Variants in YTHDC2 observed in about 807,000 individuals in gnomAD.
YTHDC2 encodes the protein YTH N6-methyladenosine RNA binding protein C2.
Under a neutral mutation model 174.9 loss-of-function variants are expected in YTHDC2, and 45 were observed. The observed-to-expected ratio is 0.26, with a 90% CI of 0.20 to 0.33. YTHDC2 has a LOEUF of 0.33. Ranked by LOEUF, YTHDC2 falls within the 10% of genes least tolerant of loss-of-function variation. YTHDC2 has a pLI of 1.00. For synonymous variants in YTHDC2, 657 were observed against 574.5 expected, an observed-to-expected ratio of 1.14 and a Z score of -2.05; for missense variants, 1,650 against 1,723.7, an observed-to-expected ratio of 0.96 and a Z score of 0.76.
chr5:113,517,498 T>C (rs1465267914), intron 2 of YTHDC2: 4 of 454,996 alleles, frequency 8.8e-6, no homozygotes, highest in Non-Finnish European at 1.8e-5. Flanking sequence ...TGAATAGATA[T>C]CTTGGGAAGG....
chr5:113,567,255 A>G lies in YTHDC2; in HGVS notation c.3006A>G (p.Arg1002=), dbSNP rs892875026. The change falls in exon 22 of 30, where the codon CGA becomes CGG. Residue 1002 remains arginine, a synonymous_variant. Coordinates refer to ENST00000161863, the MANE Select transcript of YTHDC2 (RefSeq NM_022828.5). ...VLTGPKEKKV[R]FHPASVLSQP... is the part of the protein sequence containing the mutation. ...CAGGGCCAAAGGAGAAAAAAGTACG[A>G]TTTCATCCTGCTTCAGTTCTCAGTC... The G allele has an allele frequency of 4.3e-6, 7 of 1,612,868 alleles. No individual in the cohort carries two copies. The highest frequency in any genetic ancestry group is 5.9e-6 in the Non-Finnish European group (7 of 1,179,698).
At chr5:113,589,850 T>G (rs1778915103) in intron 26 of YTHDC2, among the ~76,000 whole-genome samples, 2 of 152,210 alleles carry the variant, frequency 1.3e-5, no homozygotes, top group African/African-American at 4.8e-5. Context: ...TGTCTCCTAA[T>G]TACATCAACT....
At chr5:113,518,810 T>G (rs2112522793) in intron 2 of YTHDC2, among the ~76,000 whole-genome samples, 2 of 152,294 alleles carry the variant, frequency 1.3e-5, no homozygotes, top group South Asian at 4.1e-4. Flanking sequence ...TTGATACTCT[T>G]TCTTTCAAAA....
At chr5:113,546,285 A>T (rs1199101676) in intron 10 of YTHDC2, among the ~76,000 whole-genome samples, 1 of 152,206 alleles carries the variant, frequency 6.6e-6, no homozygotes, top group Non-Finnish European at 1.5e-5. Context: ...AGTGAATACT[A>T]GACTGTTAAT....
At chr5:113,586,235 A>G (rs1365231282) in intron 26 of YTHDC2, among the ~76,000 whole-genome samples, 1 of 151,902 alleles carries the variant, frequency 6.6e-6, no homozygotes, top group Non-Finnish European at 1.5e-5. Context: ...TTATAGTTTT[A>G]ATTTGTATTT....
chr5:113,537,765 A>G (rs1167095526), intron 7 of YTHDC2, among the ~76,000 whole-genome samples: 2 of 151,988 alleles, frequency 1.3e-5, no homozygotes, highest in African/African-American at 2.4e-5. Flanking sequence ...TATTTCTAGT[A>G]TGCCCCAAAC....
chr5:113,515,137 T>C, intron 1 of YTHDC2, 135 bp from the exon 2 acceptor site: 1 of 503,692 alleles, frequency 2.0e-6, no homozygotes, highest in Non-Finnish European at 3.5e-6. Flanking sequence ...GAATATGAAA[T>C]ATAAAGTTAA....
chr5:113,516,610 T>C (rs1449093825), intron 2 of YTHDC2, among the ~76,000 whole-genome samples: 1 of 152,146 alleles, frequency 6.6e-6, no homozygotes, highest in African/African-American at 2.4e-5. Context: ...CTAACCCCAG[T>C]TGTGACAACC....
intron 23 of YTHDC2, among the ~76,000 whole-genome samples, chr5:113,578,872 G>A (rs962966940): frequency 4.6e-5 from 7 of 151,952 alleles, no homozygotes; most frequent in African/African-American, 1.7e-4. Flanking sequence ...TAATTTTCGT[G>A]TAGAAAATAA....
intron 23 of YTHDC2, among the ~76,000 whole-genome samples, chr5:113,578,925 G>A (rs1452758959): frequency 6.6e-6 from 1 of 151,938 alleles, no homozygotes; most frequent in Non-Finnish European, 1.5e-5. Context: ...TATACATACT[G>A]TATGTTTTAG....
At chr5:113,542,231 G>A in intron 9 of YTHDC2, 137 bp from the exon 10 acceptor site, 2 of 872,698 alleles carry the variant, frequency 2.3e-6, no homozygotes, top group Non-Finnish European at 3.5e-6. Flanking sequence ...GATGAAAGGA[G>A]AAATTTTTTA....
rs571134909 is a variant in YTHDC2, at chr5:113,584,819, C to T, written c.3825+340C>T. Among the ~76,000 whole-genome samples the T allele has an allele frequency of 1.0e-4, 15 of 147,040 alleles. No homozygotes were observed. The East Asian group carries it at 1.8e-3, about 17-fold the overall frequency. On this transcript the variant is annotated intron_variant, in intron 26 of 29. Coordinates refer to ENST00000161863, the MANE Select transcript of YTHDC2 (RefSeq NM_022828.5). ...TGAGGTGGGGTCCCACTCTTTTACCCAGGCTGGAGTGCTGTGGTACAATCA... is the reference window on the plus strand; with the variant it reads ...TGAGGTGGGGTCCCACTCTTTTACCTAGGCTGGAGTGCTGTGGTACAATCA...
At chr5:113,564,250 A>G (rs967832231) in intron 20 of YTHDC2, 119 bp downstream of exon 20, 43 of 1,115,100 alleles carry the variant, frequency 3.9e-5, no homozygotes, top group Non-Finnish European at 4.8e-5. Context: ...TTGTTTCATT[A>G]TGAAGTCACA....
chr5:113,551,866 T>C (rs970509627), intron 12 of YTHDC2, among the ~76,000 whole-genome samples: 1 of 152,182 alleles, frequency 6.6e-6, no homozygotes, highest in Non-Finnish European at 1.5e-5. Context: ...TTGGATTTAT[T>C]TGAACTTCCT....
intron 26 of YTHDC2, among the ~76,000 whole-genome samples, chr5:113,589,409 ATATATATATAT>A (rs1217720066): frequency 5.6e-5 from 5 of 89,120 alleles, no homozygotes; most frequent in African/African-American, 1.2e-4. Flanking sequence ...AAAAAAAAAA[ATATATATATAT>A]ATATATATAT....
At chr5:113,591,937 A>T in intron 27 of YTHDC2, 59 bp from the exon 28 acceptor site, 1 of 1,265,190 alleles carries the variant, frequency 7.9e-7, no homozygotes, top group Non-Finnish European at 1.0e-6. Flanking sequence ...CAGATAAATT[A>T]AATTTAGACA....
intron 7 of YTHDC2, among the ~76,000 whole-genome samples, chr5:113,537,361 C>CTT (rs139190695): frequency 9.7e-4 from 121 of 124,418 alleles, no homozygotes; most frequent in East Asian, 2.2e-3. Flanking sequence ...GGCTCTCTCT[C>CTT]TTTTTTTTTT....
intron 2 of YTHDC2, among the ~76,000 whole-genome samples, chr5:113,516,397 T>C (rs1773428169): frequency 1.3e-5 from 2 of 152,202 alleles, no homozygotes; most frequent in Admixed American, 1.3e-4. Flanking sequence ...GAAAAGTCAT[T>C]TGAGCCATCC....
At chr5:113,572,261 C>G (rs1039542585) in intron 23 of YTHDC2, among the ~76,000 whole-genome samples, 5 of 152,168 alleles carry the variant, frequency 3.3e-5, no homozygotes, top group Non-Finnish European at 7.3e-5. Context: ...TGTTCAGTTT[C>G]CATGTAGTTG....
Sources: allele counts gnomAD v4.1 joint callset (sites outside exome capture counted in the v4.1 genomes callset), GRCh38; gene constraint gnomAD v4.1.1; transcripts MANE v1.5; gene names NCBI Gene and HGNC (gene_info 2026-07-23, HGNC 2026-07-21).